Variants in SHB observed in about 807,000 individuals in gnomAD.
SHB encodes SH2 domain containing adaptor protein B.
In SHB, 20 loss-of-function variants were observed where a neutral mutation model predicts 52.3. That is an observed-to-expected ratio of 0.38 (90% CI 0.27 to 0.56). The LOEUF (loss-of-function observed/expected upper bound fraction) is 0.56. Ranked by LOEUF, SHB falls within the 20% of genes least tolerant of loss-of-function variation. The probability of loss-of-function intolerance (pLI) is 0.71; values close to 1 mark genes in which losing one functional copy is unlikely to be tolerated. For synonymous variants in SHB, 397 were observed against 316.5 expected (o/e 1.25, Z -2.70); for missense variants, 825 against 723.3 (o/e 1.14, Z -1.61).
intron 3 of SHB, among the ~76,000 whole-genome samples, chr9:37,966,359 G>A (rs949585967): frequency 2.6e-5 from 4 of 152,200 alleles, no homozygotes; most frequent in Admixed American, 1.3e-4. Flanking sequence ...GTAATTAGCA[G>A]ATGAAACAAA....
intron 2 of SHB, among the ~76,000 whole-genome samples, chr9:37,998,369 C>G (rs1019900212): frequency 5.3e-5 from 8 of 152,228 alleles, no homozygotes; most frequent in African/African-American, 1.9e-4. Flanking sequence ...ACCTCCCCCA[C>G]CACCCTCAGG....
At chr9:37,969,907 C>G (rs1009015462) in intron 3 of SHB, among the ~76,000 whole-genome samples, 1 of 152,192 alleles carries the variant, frequency 6.6e-6, no homozygotes, top group African/African-American at 2.4e-5. Context: ...GGGTTGGGGA[C>G]AGAGCAAGAA....
At chr9:37,965,698 C>T (rs1254989021) in intron 3 of SHB, among the ~76,000 whole-genome samples, 4 of 151,972 alleles carry the variant, frequency 2.6e-5, no homozygotes, top group African/African-American at 4.8e-5. Flanking sequence ...GCCTCAGCCA[C>T]CTGAGTAGCT....
chr9:37,946,141 C>T (rs889405873), intron 5 of SHB, among the ~76,000 whole-genome samples: 1 of 152,224 alleles, frequency 6.6e-6, no homozygotes, highest in Non-Finnish European at 1.5e-5. Flanking sequence ...GCCCCTATGG[C>T]GTGACTGGCC....
intron 2 of SHB, among the ~76,000 whole-genome samples, chr9:38,010,893 A>G (rs1447556435): frequency 1.3e-5 from 2 of 152,224 alleles, no homozygotes; most frequent in Non-Finnish European, 2.9e-5. Flanking sequence ...AGGTGATCCT[A>G]CAGGGAATAA....
chr9:37,990,882 T>G (rs1820873215), intron 2 of SHB, among the ~76,000 whole-genome samples: 1 of 152,212 alleles, frequency 6.6e-6, no homozygotes, highest in East Asian at 1.9e-4. Context: ...TTTGGCAGGA[T>G]AGAATTAATG....
intron 3 of SHB, among the ~76,000 whole-genome samples, chr9:37,965,960 A>G (rs1215986320): frequency 6.6e-6 from 1 of 152,104 alleles, no homozygotes; most frequent in Non-Finnish European, 1.5e-5. Flanking sequence ...GTTTATGCTG[A>G]ACTTGTTAGG....
At chr9:38,031,462 T>C (rs529212389) in intron 1 of SHB, among the ~76,000 whole-genome samples, 1 of 152,302 alleles carries the variant, frequency 6.6e-6, no homozygotes, top group African/African-American at 2.4e-5. Context: ...CCCCTAACCG[T>C]CCATTTTTCT....
intron 1 of SHB, among the ~76,000 whole-genome samples, chr9:38,063,101 G>A (rs1421304392): frequency 5.9e-5 from 9 of 152,186 alleles, no homozygotes; most frequent in South Asian, 2.1e-4. Flanking sequence ...GATTTGATAC[G>A]CAGCATTTCT....
intron 2 of SHB, among the ~76,000 whole-genome samples, chr9:38,006,228 C>A (rs1465595703): frequency 6.6e-6 from 1 of 152,186 alleles, no homozygotes; most frequent in Non-Finnish European, 1.5e-5. Context: ...CCTGACCTGG[C>A]CTAGATGATT....
At chr9:37,945,864 C>T (rs1338204563) in intron 5 of SHB, among the ~76,000 whole-genome samples, 1 of 152,192 alleles carries the variant, frequency 6.6e-6, no homozygotes, top group Non-Finnish European at 1.5e-5. Flanking sequence ...AAGCCCAACT[C>T]CCCACTGGAC....
intron 3 of SHB, among the ~76,000 whole-genome samples, chr9:37,967,847 A>AT (rs1392851103): frequency 6.6e-6 from 1 of 152,186 alleles, no homozygotes; most frequent in African/African-American, 2.4e-5. Flanking sequence ...CAGACCTAGA[A>AT]TAGGGAAGGC....
chr9:37,984,945 G>C (rs2117997164), intron 2 of SHB, among the ~76,000 whole-genome samples: 1 of 152,304 alleles, frequency 6.6e-6, no homozygotes, highest in South Asian at 2.1e-4. Flanking sequence ...GCAGCTCAGA[G>C]ACGGAGCTGG....
chr9:37,935,197 C>T (rs1313449123), intron 5 of SHB, among the ~76,000 whole-genome samples: 1 of 152,200 alleles, frequency 6.6e-6, no homozygotes, highest in Admixed American at 6.5e-5. Context: ...ATCTTACCAT[C>T]GATGTGTCAG....
At chr9:37,945,181 T>G (rs1832478186) in intron 5 of SHB, among the ~76,000 whole-genome samples, 1 of 152,172 alleles carries the variant, frequency 6.6e-6, no homozygotes, top group Admixed American at 6.5e-5. Context: ...CCAGCATAGC[T>G]GGAATTCCAG....
chr9:38,042,031 G>A (rs1383567149), intron 1 of SHB, among the ~76,000 whole-genome samples: 5 of 152,192 alleles, frequency 3.3e-5, no homozygotes. Context: ...AAGCACGCTA[G>A]GAGCACTGGG....
At chr9:38,023,277 C>T (rs1405128525) in intron 1 of SHB, among the ~76,000 whole-genome samples, 1 of 152,198 alleles carries the variant, frequency 6.6e-6, no homozygotes, top group African/African-American at 2.4e-5. Context: ...CTCCGTGCAA[C>T]CTGTTTTCTC....
chr9:38,056,575 AC>A (rs1821824779), intron 1 of SHB, among the ~76,000 whole-genome samples: 2 of 151,980 alleles, frequency 1.3e-5, no homozygotes, highest in African/African-American at 4.8e-5. Flanking sequence ...CATGTGATCC[AC>A]CCGCCTCAGT....
intron 2 of SHB, among the ~76,000 whole-genome samples, chr9:37,992,880 AACAC>A (rs4008196): frequency 0.43 from 64,427 of 150,478 alleles, 14,031 homozygotes; most frequent in Middle Eastern, 0.5. Flanking sequence ...CACACACACA[AACAC>A]ACACACACAC....
Sources: gnomAD v4.1 joint callset for allele counts (sites outside exome capture counted in the v4.1 genomes callset) on GRCh38, gnomAD v4.1.1 for gene constraint, MANE v1.5 for transcripts, NCBI Gene and HGNC (gene_info 2026-07-23, HGNC 2026-07-21) for gene names.